The following EEF1AKMT1 variants were observed in gnomAD, a reference collection of about 807,000 sequenced individuals.
EEF1AKMT1 encodes N-6 adenine-specific DNA methyltransferase 2 (putative).
A neutral mutation model predicts 21.0 loss-of-function variants in EEF1AKMT1; 18 were observed. That is an observed-to-expected ratio of 0.86 (90% CI 0.59 to 1.27). EEF1AKMT1 has a LOEUF of 1.27. Ranked by LOEUF, EEF1AKMT1 falls within the 50% of genes most tolerant of loss-of-function variation. EEF1AKMT1 has a pLI of 0.00. For missense variants in EEF1AKMT1, 246 were observed against 258.6 expected (o/e 0.95, Z 0.33); for synonymous variants, 109 against 94.8 (o/e 1.15, Z -0.87).
chr13:20,748,390 G>A (rs1333854019), intron 2 of EEF1AKMT1, among the ~76,000 whole-genome samples: 1 of 150,964 alleles, frequency 6.6e-6, no homozygotes, highest in Non-Finnish European at 1.5e-5. Flanking sequence ...AGGCGAGATC[G>A]CGCCACTGCA....
At position 20,750,470 on chromosome 13, in the gene EEF1AKMT1, C is replaced by T. The variant is rs192174296; in HGVS notation, c.144+6985G>A. 1.8e-3 allele frequency among the ~76,000 whole-genome samples: 273 copies of T among 152,216 alleles called. 1 individual carries two copies. The highest frequency in any genetic ancestry group is 6.2e-3 in the African/African-American group (257 of 41,544). Reference sequence around the variant, plus strand: ...TTGTCTTTCTGTGCCTGGCTTATTTCACTTAACATAATGACCTCCCGTTCC... The same window carrying T: ...TTGTCTTTCTGTGCCTGGCTTATTTTACTTAACATAATGACCTCCCGTTCC... On this transcript the variant is annotated intron_variant, in intron 2 of 4. Coordinates refer to ENST00000382758, the MANE Select transcript of EEF1AKMT1 (RefSeq NM_001318939.2).
At chr13:20,730,352 A>G (rs1447256696) in intron 4 of EEF1AKMT1, among the ~76,000 whole-genome samples, 2 of 151,838 alleles carry the variant, frequency 1.3e-5, no homozygotes, top group Non-Finnish European at 2.9e-5. Flanking sequence ...CCGTGGCTCC[A>G]CTCCTGGCCC....
chr13:20,731,350 C>T (rs532540231), intron 4 of EEF1AKMT1, among the ~76,000 whole-genome samples: 9 of 152,294 alleles, frequency 5.9e-5, no homozygotes, highest in African/African-American at 2.2e-4. Flanking sequence ...CTGTAAGTTC[C>T]AGCTACTTGG....
chr13:20,738,127 A>G (rs969005217), intron 2 of EEF1AKMT1, among the ~76,000 whole-genome samples: 2 of 152,226 alleles, frequency 1.3e-5, no homozygotes, highest in Non-Finnish European at 2.9e-5. Flanking sequence ...TGCCAAAAAA[A>G]TAAAATAGAC....
At chr13:20,753,117 T>G (rs902144987) in intron 2 of EEF1AKMT1, among the ~76,000 whole-genome samples, 17 of 152,172 alleles carry the variant, frequency 1.1e-4, no homozygotes, top group Non-Finnish European at 2.1e-4. Flanking sequence ...CTGTATTCCA[T>G]AGATTTCGGT....
chr13:20,753,864 T>C (rs80343162), intron 2 of EEF1AKMT1, among the ~76,000 whole-genome samples: 13 of 152,310 alleles, frequency 8.5e-5, no homozygotes, highest in Non-Finnish European at 1.8e-4. Flanking sequence ...GGTTTTTTTT[T>C]CTTTAAATCT....
chr13:20,745,711 T>C (rs2141422486), intron 2 of EEF1AKMT1, among the ~76,000 whole-genome samples: 1 of 152,196 alleles, frequency 6.6e-6, no homozygotes, highest in South Asian at 2.1e-4. Flanking sequence ...TAGCTGGGCA[T>C]GGTGGCAGGA....
In EEF1AKMT1 at chr13:20,741,870, A is replaced by AT. The variant is rs768965562; in HGVS notation, c.145-4066dup. Among the ~76,000 whole-genome samples, 9 of 152,276 alleles carry AT rather than the reference A, an allele frequency of 5.9e-5. No individual in the cohort carries two copies. In the South Asian group the frequency reaches 1.9e-3, roughly 32 times the overall value. On this transcript the variant is annotated intron_variant, in intron 2 of 4. Coordinates refer to ENST00000382758, the MANE Select transcript of EEF1AKMT1 (RefSeq NM_001318939.2). ...GGTAACAATCTTACTTAGTACACAA[A>AT]TTTTACCTCTTCAGACTTAACTTTG...
intron 3 of EEF1AKMT1, among the ~76,000 whole-genome samples, chr13:20,733,432 C>A (rs2058809402): frequency 6.6e-6 from 1 of 152,062 alleles, no homozygotes; most frequent in South Asian, 2.1e-4. Context: ...TGCCACTTTA[C>A]CCAGGCTGGT....
At chr13:20,754,741 C>CAAAAAAAAAAAAAAA (rs56777421) in intron 2 of EEF1AKMT1, among the ~76,000 whole-genome samples, 1 of 116,582 alleles carries the variant, frequency 8.6e-6, no homozygotes, top group Non-Finnish European at 1.8e-5. Context: ...ACCAAAAATA[C>CAAAAAAAAAAAAAAA]AAAAAAAAAA....
At chr13:20,763,611 C>G (rs1254026864) in intron 1 of EEF1AKMT1, among the ~76,000 whole-genome samples, 1 of 152,152 alleles carries the variant, frequency 6.6e-6, no homozygotes, top group African/African-American at 2.4e-5. Context: ...TACCACCCAC[C>G]CTGGCTAATT....
At position 20,763,457 on chromosome 13, in the gene EEF1AKMT1, GT is replaced by G. The variant is rs532225725; in HGVS notation, c.-19-5841del. On this transcript the variant is annotated intron_variant, in intron 1 of 4. Transcript: ENST00000382758. ...CTAGCATTTAAGGCCCGAAATTTTT[GT>G]TTTTTTTTTTTGAAACAGAATTTTG... Among the ~76,000 whole-genome samples the G allele has an allele frequency of 1.3e-3, 178 of 141,908 alleles. 2 individuals carry two copies. Among genetic ancestry groups the G allele is most frequent in the Admixed American group, 0.011 (158 of 14,136 alleles). The allele number at this position is 141,908 out of a possible 152,430, so 93.1% of individuals were successfully genotyped here. A position where few individuals can be genotyped will look rare whatever the true frequency, so the allele number is the denominator to read the frequency against.
intron 1 of EEF1AKMT1, among the ~76,000 whole-genome samples, chr13:20,758,203 C>T (rs559652163): frequency 6.6e-6 from 1 of 151,702 alleles, no homozygotes; most frequent in African/African-American, 2.4e-5. Flanking sequence ...TCTCTGAAGC[C>T]TGCTGCCTGC....
intron 2 of EEF1AKMT1, among the ~76,000 whole-genome samples, chr13:20,745,279 G>A (rs1373318890): frequency 3.3e-5 from 5 of 152,154 alleles, no homozygotes; most frequent in Non-Finnish European, 5.9e-5. Context: ...GGGCAGTATG[G>A]CCATTTTCAA....
At position 20,731,886 on chromosome 13, in the gene EEF1AKMT1, C is replaced by T. The variant is rs2058798633; in HGVS notation, c.463G>A (p.Glu155Lys). The T allele has an allele frequency of 6.2e-7, 1 of 1,614,176 alleles. No individual in the cohort carries two copies. The highest frequency in any genetic ancestry group is 1.3e-5 in the African/African-American group (1 of 75,034). ...LSEECLRKTS[E>K]TVKYLTRGKI... ...CCCCGCGTCAGGTACTTGACGGTTT[C>T]CGATGTTTTTCTGAGACATTCCTCC... is the stretch of plus-strand genomic sequence containing the variant. The change falls in exon 4 of 5, where the codon GAA (glutamate) becomes AAA (lysine). Residue 155 changes from glutamate to lysine, a missense_variant. By Grantham distance (56) the Glu-to-Lys change is moderately conservative. Coordinates refer to ENST00000382758, the MANE Select transcript of EEF1AKMT1 (RefSeq NM_001318939.2).
chr13:20,758,344 A>G (rs919270792), intron 1 of EEF1AKMT1, among the ~76,000 whole-genome samples: 2 of 152,218 alleles, frequency 1.3e-5, no homozygotes, highest in African/African-American at 4.8e-5. Context: ...ACAATTTTTG[A>G]ATCTACCTAT....
At chr13:20,749,893 T>C (rs1482018005) in intron 2 of EEF1AKMT1, among the ~76,000 whole-genome samples, 2 of 152,218 alleles carry the variant, frequency 1.3e-5, no homozygotes, top group African/African-American at 4.8e-5. Flanking sequence ...ATGTTCTTTG[T>C]CATCTGTATC....
intron 1 of EEF1AKMT1, among the ~76,000 whole-genome samples, chr13:20,771,324 A>G (rs1355061332): frequency 6.6e-6 from 1 of 152,260 alleles, no homozygotes; most frequent in Non-Finnish European, 1.5e-5. Context: ...TCCAAAGAGC[A>G]ATTTAATAAA....
intron 1 of EEF1AKMT1, among the ~76,000 whole-genome samples, chr13:20,770,210 A>T (rs183923828): frequency 1.4e-4 from 22 of 152,218 alleles, no homozygotes; most frequent in Middle Eastern, 3.4e-3. Context: ...CCAGTCATTT[A>T]AAAAAATACT....
Sources: gnomAD v4.1 joint callset for allele counts (sites outside exome capture counted in the v4.1 genomes callset) on GRCh38, gnomAD v4.1.1 for gene constraint, MANE v1.5 for transcripts, NCBI Gene and HGNC (gene_info 2026-07-23, HGNC 2026-07-21) for gene names.